SLC9A7: variants seen among roughly 807,000 people sequenced by gnomAD.
The protein encoded by SLC9A7 is solute carrier family 9 member A7.
Under a neutral mutation model 52.6 loss-of-function variants are expected in SLC9A7, and 19 were observed. The observed-to-expected ratio is 0.36, with a 90% CI of 0.25 to 0.53. SLC9A7 has a LOEUF of 0.53. Among genes scored for constraint, SLC9A7 ranks in the 20% least tolerant of loss-of-function variants. The pLI, the probability that SLC9A7 is intolerant of heterozygous loss-of-function variation, is 0.91. For missense variants in SLC9A7, 455 were observed against 597.9 expected (o/e 0.76, Z 2.49); for synonymous variants, 226 against 252.1 (o/e 0.90, Z 0.98).
intron 1 of SLC9A7, among the ~76,000 whole-genome samples, chrX:46,684,197 CTTTTA>C (rs989649040): frequency 2.7e-5 from 3 of 111,530 alleles, no homozygotes; most frequent in African/African-American, 6.5e-5. Context: ...AAAACCAGAC[CTTTTA>C]TTTTATTTTA....
At chrX:46,615,330 C>A (rs756508108) in intron 15 of SLC9A7, among the ~76,000 whole-genome samples, 202 of 112,287 alleles carry the variant, frequency 1.8e-3, no homozygotes, top group Non-Finnish European at 3.0e-3. Flanking sequence ...CGTGAGCCAA[C>A]GCGCCCGGCC....
intron 16 of SLC9A7, among the ~76,000 whole-genome samples, chrX:46,607,742 C>A (rs1942774141): frequency 9.0e-6 from 1 of 111,312 alleles, no homozygotes; most frequent in Admixed American, 9.5e-5. Context: ...TGATAGGAAG[C>A]CCACCCGCCA....
At chrX:46,610,112 A>G (rs994803190) in intron 16 of SLC9A7, among the ~76,000 whole-genome samples, 4 of 112,492 alleles carry the variant, frequency 3.6e-5, no homozygotes, top group African/African-American at 1.3e-4. Context: ...TGCTCCCTTG[A>G]ATTCTAGATG....
intron 1 of SLC9A7, among the ~76,000 whole-genome samples, chrX:46,697,439 T>C (rs1289714050): frequency 8.9e-6 from 1 of 111,891 alleles, no homozygotes; most frequent in Non-Finnish European, 1.9e-5. Flanking sequence ...AGAATGTGGA[T>C]TGTGAAGATT....
chrX:46,613,957 G>A (rs187669954), intron 15 of SLC9A7, among the ~76,000 whole-genome samples: 72 of 111,814 alleles, frequency 6.4e-4, no homozygotes, highest in African/African-American at 2.2e-3. Flanking sequence ...AAGGTTACTC[G>A]GACTGTAAGT....
chrX:46,634,574 A>G (rs1434308478), intron 13 of SLC9A7, among the ~76,000 whole-genome samples: 1 of 112,090 alleles, frequency 8.9e-6, no homozygotes, highest in African/African-American at 3.2e-5. Flanking sequence ...CCCAAGTCTA[A>G]TAACTTACAC....
chrX:46,730,083 C>G (rs1319681247), intron 1 of SLC9A7, among the ~76,000 whole-genome samples: 1 of 111,328 alleles, frequency 9.0e-6, no homozygotes, highest in Non-Finnish European at 1.9e-5. Context: ...TGTCAAAATA[C>G]ACTCTGGGGT....
intron 12 of SLC9A7, among the ~76,000 whole-genome samples, chrX:46,641,804 T>C (rs1302466891): frequency 1.8e-5 from 2 of 111,916 alleles, no homozygotes; most frequent in African/African-American, 6.5e-5. Context: ...CACTTAAAGC[T>C]CTGTGACCTT....
intron 14 of SLC9A7, among the ~76,000 whole-genome samples, chrX:46,621,713 G>A (rs1943049994): frequency 8.9e-6 from 1 of 112,082 alleles, no homozygotes; most frequent in African/African-American, 3.3e-5. Context: ...CATCCCCATC[G>A]TGTAACTTTC....
chrX:46,739,940 T>C (rs779618951), intron 1 of SLC9A7, among the ~76,000 whole-genome samples: 3 of 111,747 alleles, frequency 2.7e-5, no homozygotes, highest in Admixed American at 9.5e-5. Context: ...TTCTGGCTCA[T>C]TCATAGCCCA....
intron 15 of SLC9A7, among the ~76,000 whole-genome samples, chrX:46,617,890 C>T (rs974565315): frequency 8.9e-6 from 1 of 111,938 alleles, no homozygotes; most frequent in African/African-American, 3.2e-5. Flanking sequence ...TAATAGTCCA[C>T]ATGGCTTGAA....
chrX:46,747,244 G>A (rs1921848819), intron 1 of SLC9A7, among the ~76,000 whole-genome samples: 1 of 111,830 alleles, frequency 8.9e-6, no homozygotes, highest in African/African-American at 3.3e-5. Flanking sequence ...GGTGACCACA[G>A]TTTACAATAA....
chrX:46,655,816 G>T (rs1321282837), intron 7 of SLC9A7, among the ~76,000 whole-genome samples: 1 of 112,757 alleles, frequency 8.9e-6, no homozygotes, highest in East Asian at 2.8e-4. Context: ...CCATTGCCCA[G>T]GCTTGTTTAG....
chrX:46,720,069 G>A (rs1188384565), intron 1 of SLC9A7, among the ~76,000 whole-genome samples: 2 of 111,593 alleles, frequency 1.8e-5, no homozygotes, highest in African/African-American at 6.5e-5. Flanking sequence ...TCATTACTGA[G>A]GACCTCAATA....
chrX:46,661,895 T>G, intron 7 of SLC9A7, 121 bp downstream of exon 7: 1 of 609,673 alleles, frequency 1.6e-6, no homozygotes, highest in Non-Finnish European at 2.5e-6. Flanking sequence ...GGAGCCATCA[T>G]GCCCCAGTGG....
At chrX:46,752,531 T>C (rs1264960857) in intron 1 of SLC9A7, among the ~76,000 whole-genome samples, 3 of 111,313 alleles carry the variant, frequency 2.7e-5, no homozygotes, top group Admixed American at 9.6e-5. Flanking sequence ...ATATATTGGA[T>C]TTATCTGATT....
At position 46,651,079 on chromosome X, in the gene SLC9A7, T is replaced by C. The variant is rs756165250; in HGVS notation, c.1350+31A>G. The C allele has an allele frequency of 8.3e-5, 84 of 1,008,309 alleles. 1 individual carries two copies. The South Asian group carries it at 1.4e-3, about 17-fold the overall frequency. The allele number at this position is 1,008,309 out of a possible 1,213,427, so 83.1% of individuals were successfully genotyped here. A position where few individuals can be genotyped will look rare whatever the true frequency, so the allele number is the denominator to read the frequency against. Reference sequence around the variant, plus strand: ...TTCTCCAACAGTGGTCGTCTCTGCATGTAGAAAATGGTGGAACAAGAAAAG... The same window carrying C: ...TTCTCCAACAGTGGTCGTCTCTGCACGTAGAAAATGGTGGAACAAGAAAAG... On this transcript the variant is annotated intron_variant, in intron 10 of 16. Transcript: ENST00000616978.
At chrX:46,658,517 G>A (rs1157095053) in intron 7 of SLC9A7, among the ~76,000 whole-genome samples, 2 of 109,365 alleles carry the variant, frequency 1.8e-5, no homozygotes, top group Non-Finnish European at 3.8e-5. Context: ...TCAAATAGAC[G>A]CAATAAAAAA....
chrX:46,606,869 C>A lies in SLC9A7; in HGVS notation c.*83G>T. The stretch of plus-strand genomic sequence containing the variant: ...AGAGTTAGTTCAATCTAGTCACTGC[C>A]CCACCTCCAACAACACTAGGGCTTG... On this transcript the variant is annotated 3_prime_UTR_variant, in exon 17 of 17. Transcript: ENST00000616978. 1.7e-6 allele frequency: 2 copies of A among 1,188,250 alleles called. No homozygotes were observed. Among genetic ancestry groups the A allele is most frequent in the African/African-American group, 1.7e-5 (1 of 57,206 alleles).
Sources: allele counts gnomAD v4.1 joint callset (sites outside exome capture counted in the v4.1 genomes callset), GRCh38; gene constraint gnomAD v4.1.1; transcripts MANE v1.5; gene names NCBI Gene and HGNC (gene_info 2026-07-23, HGNC 2026-07-21).